The following RPP30 variants were observed in gnomAD, a reference collection of about 807,000 sequenced individuals.
RPP30 encodes ribonuclease P/MRP subunit p30.
RPP30 carries 36 observed loss-of-function variants against 38.6 expected under a neutral mutation model. The ratio of observed to expected loss-of-function variants is 0.93; its 90% CI spans 0.71 to 1.23. RPP30 has a LOEUF of 1.23. Ranked by LOEUF, RPP30 falls within the 50% of genes most tolerant of loss-of-function variation. The pLI is 0.00. For synonymous variants in RPP30, 126 were observed against 112.7 expected, an observed-to-expected ratio of 1.12 and a Z score of -0.75; for missense variants, 321 against 321.7, an observed-to-expected ratio of 1.00 and a Z score of 0.02.
At position 90,875,615 on chromosome 10, in the gene RPP30, G is replaced by A. The variant is rs758078765; in HGVS notation, c.195+1G>A. Reference sequence around the variant, plus strand: ...CTTCACAACTTTGCCAATTGTACAGGTAGGTGTTTTGTTGTTTACGAAGCA... The same window carrying A: ...CTTCACAACTTTGCCAATTGTACAGATAGGTGTTTTGTTGTTTACGAAGCA... On this transcript the variant is annotated splice_donor_variant, in intron 3 of 10. Coordinates refer to ENST00000371703, the MANE Select transcript of RPP30 (RefSeq NM_006413.5). LOFTEE classifies it high-confidence loss of function. 3 of 1,611,854 alleles carry A rather than the reference G, an allele frequency of 1.9e-6. No individual in the cohort carries two copies. Among genetic ancestry groups the A allele is most frequent in the Non-Finnish European group, 2.5e-6 (3 of 1,178,216 alleles).
At chr10:90,895,605 T>TACAATGAGCAAATGCA in intron 8 of RPP30, 122 bp downstream of exon 8, 1 of 613,846 alleles carries the variant, frequency 1.6e-6, no homozygotes, top group Non-Finnish European at 2.7e-6. Context: ...TAACTGCATT[T>TACAATGAGCAAATGCA]GCTCATTGTA....
intron 6 of RPP30, among the ~76,000 whole-genome samples, chr10:90,894,452 C>T (rs1847116812): frequency 6.6e-6 from 1 of 152,074 alleles, no homozygotes; most frequent in South Asian, 2.1e-4. Context: ...TTTCTGTTTT[C>T]CTTTTGATAG....
At chr10:90,880,895 C>T (rs1846920370) in intron 5 of RPP30, among the ~76,000 whole-genome samples, 1 of 152,142 alleles carries the variant, frequency 6.6e-6, no homozygotes, top group Non-Finnish European at 1.5e-5. Context: ...GGGGTTGATT[C>T]TGGGTATCTG....
chr10:90,901,603 T>TA lies in RPP30; in HGVS notation c.*929dup, dbSNP rs1407143719. 1 of 985,022 alleles carries TA rather than the reference T, an allele frequency of 1.0e-6. No individual in the cohort carries two copies. The highest frequency in any genetic ancestry group is 1.1e-4 in the East Asian group (1 of 8,824). The allele number at this position is 985,022 out of a possible 1,614,324, so 61.0% of individuals were successfully genotyped here. A position where few individuals can be genotyped will look rare whatever the true frequency, so the allele number is the denominator to read the frequency against. On this transcript the variant is annotated 3_prime_UTR_variant, in exon 11 of 11. Coordinates refer to ENST00000371703, the MANE Select transcript of RPP30 (RefSeq NM_006413.5). Reference sequence around the variant, plus strand: ...ATATTGATTTTCCTGATAGCTGTATTAAAAATAGCAAAGCATCGGACTGAA... The same window carrying TA: ...ATATTGATTTTCCTGATAGCTGTATTAAAAAATAGCAAAGCATCGGACTGAA...
chr10:90,875,499 A>G (rs1477150751), intron 2 of RPP30, 59 bp from the exon 3 acceptor site: 29 of 1,358,102 alleles, frequency 2.1e-5, no homozygotes, highest in Non-Finnish European at 7.3e-6. Flanking sequence ...TAATTTTTCC[A>G]TTATGCCTTG....
chr10:90,898,359 G>A (rs1041656053), intron 10 of RPP30, among the ~76,000 whole-genome samples: 2 of 152,134 alleles, frequency 1.3e-5, no homozygotes, highest in African/African-American at 4.8e-5. Context: ...TAAACTAGAT[G>A]ATAAAATATG....
intron 1 of RPP30, among the ~76,000 whole-genome samples, chr10:90,873,844 C>T (rs1846815742): frequency 6.6e-6 from 1 of 152,006 alleles, no homozygotes; most frequent in Non-Finnish European, 1.5e-5. Flanking sequence ...TAACTTTCTT[C>T]AGGGAGCCTT....
At chr10:90,875,170 G>A (rs189218476) in intron 2 of RPP30, among the ~76,000 whole-genome samples, 1 of 152,206 alleles carries the variant, frequency 6.6e-6, no homozygotes, top group East Asian at 1.9e-4. Context: ...ACTTTTCACT[G>A]TTCAAAAAGT....
At chr10:90,883,473 C>T (rs1157943130) in intron 5 of RPP30, among the ~76,000 whole-genome samples, 5 of 152,000 alleles carry the variant, frequency 3.3e-5, no homozygotes, top group African/African-American at 1.2e-4. Context: ...TTGTGGTTAT[C>T]TAAAAGTATT....
chr10:90,901,264 T>C lies in RPP30; in HGVS notation c.*585T>C, dbSNP rs1847198630. On this transcript the variant is annotated 3_prime_UTR_variant, in exon 11 of 11. Coordinates refer to ENST00000371703, the MANE Select transcript of RPP30 (RefSeq NM_006413.5). ...GGCCTCCTAAAGTGCTGGGATTACA[T>C]GAGCCACCACATGCAGCCAGATGTT... The C allele has an allele frequency of 7.1e-6, 7 of 982,134 alleles. No homozygotes were observed. Among genetic ancestry groups the C allele is most frequent in the Admixed American group, 1.2e-4 (2 of 16,162 alleles). 60.8% of individuals were successfully genotyped at this position (982,134 alleles called of 1,614,324 possible).
chr10:90,875,382 C>A (rs1358451414), intron 2 of RPP30, among the ~76,000 whole-genome samples, 176 bp from the exon 3 acceptor site: 3 of 152,072 alleles, frequency 2.0e-5, no homozygotes, highest in African/African-American at 7.2e-5. Flanking sequence ...AGTTGCTTCT[C>A]TATTTAGCTT....
rs543805081 is a variant in RPP30 at position 90,874,860 on chromosome 10, C to G, written c.83-9C>G. 23 of 1,588,522 alleles carry G rather than the reference C, an allele frequency of 1.4e-5. No individual in the cohort carries two copies. The highest frequency in any genetic ancestry group is 3.4e-5 in the Admixed American group (2 of 57,976). ...TATTTAACAAAAGTGTTCAATTTTT[C>G]TTTTTCAGTTGGCTATTCAGTTGTT... is the stretch of plus-strand genomic sequence containing the variant. On this transcript the variant is annotated splice_polypyrimidine_tract_variant and intron_variant, in intron 1 of 10. Coordinates refer to ENST00000371703, the MANE Select transcript of RPP30 (RefSeq NM_006413.5).
intron 10 of RPP30, 76 bp downstream of exon 10, chr10:90,896,468 T>C: frequency 2.6e-6 from 3 of 1,151,128 alleles, no homozygotes; most frequent in Middle Eastern, 3.8e-4. Flanking sequence ...CCTATTTTTA[T>C]TGCCCTACCC....
At chr10:90,895,938 A>T (rs750081883) in intron 9 of RPP30, 21 bp downstream of exon 9, 7 of 1,581,264 alleles carry the variant, frequency 4.4e-6, no homozygotes, top group Non-Finnish European at 5.2e-6. Flanking sequence ...CTGAGTAAAA[A>T]GTTGTTGACA....
In RPP30 at chr10:90,901,637, G is replaced by A. The variant is rs1847204457; in HGVS notation, c.*958G>A. On this transcript the variant is annotated 3_prime_UTR_variant, in exon 11 of 11. Coordinates refer to ENST00000371703, the MANE Select transcript of RPP30 (RefSeq NM_006413.5). ...CAAAGCATCGGACTGAACCAACTTT[G>A]GAAATAATTTATTTTTATAATGGGA... is the stretch of plus-strand genomic sequence containing the variant. 4 of 984,746 alleles carry A rather than the reference G, an allele frequency of 4.1e-6. No homozygotes were observed. The highest frequency in any genetic ancestry group is 4.7e-5 in the South Asian group (1 of 21,266). 61.0% of individuals were successfully genotyped at this position (984,746 alleles called of 1,614,324 possible).
intron 1 of RPP30, among the ~76,000 whole-genome samples, chr10:90,872,388 C>T (rs1846790398): frequency 1.3e-5 from 2 of 152,202 alleles, no homozygotes; most frequent in Admixed American, 6.5e-5. Flanking sequence ...ATCTTCTAAG[C>T]TTCTAAGTTA....
At chr10:90,903,515 C>T (rs1415666130), downstream of RPP30, among the ~76,000 whole-genome samples, 3 of 152,192 alleles carry the variant, frequency 2.0e-5, no homozygotes, top group Non-Finnish European at 4.4e-5. Flanking sequence ...TACCTTTCAG[C>T]TTACGTCCAT....
downstream of RPP30, among the ~76,000 whole-genome samples, chr10:90,903,821 C>T (rs561633078): frequency 6.6e-6 from 1 of 152,152 alleles, no homozygotes; most frequent in Admixed American, 6.5e-5. Flanking sequence ...ACACTATTCA[C>T]AAAGACATAA....
intron 5 of RPP30, among the ~76,000 whole-genome samples, chr10:90,883,288 C>CT (rs773989939): frequency 1.1e-5 from 1 of 91,040 alleles, no homozygotes; most frequent in Non-Finnish European, 2.5e-5. Flanking sequence ...GAGTCTCTGG[C>CT]CAAAAAAAAA....
Sources: gnomAD v4.1 joint callset for allele counts (sites outside exome capture counted in the v4.1 genomes callset) on GRCh38, gnomAD v4.1.1 for gene constraint, MANE v1.5 for transcripts, NCBI Gene and HGNC (gene_info 2026-07-23, HGNC 2026-07-21) for gene names.